PALM2AKAP2: variants seen among roughly 807,000 people sequenced by gnomAD.
The protein encoded by PALM2AKAP2 is PALM2-AKAP2 fusion protein.
PALM2AKAP2 carries 37 observed loss-of-function variants against 71.5 expected under a neutral mutation model. The ratio of observed to expected loss-of-function variants is 0.52; its 90% CI spans 0.40 to 0.68. The LOEUF (loss-of-function observed/expected upper bound fraction) is 0.68, where lower values mean the gene tolerates loss of function less well. Among genes scored for constraint, PALM2AKAP2 ranks in the 30% least tolerant of loss-of-function variants. The pLI, the probability that PALM2AKAP2 is intolerant of heterozygous loss-of-function variation, is 0.00. For synonymous variants in PALM2AKAP2, 468 were observed against 478.8 expected (o/e 0.98, Z 0.29); for missense variants, 1,224 against 1,191.8 (o/e 1.03, Z -0.40).
chr9:109,880,762 C>G, intron 3 of PALM2AKAP2, 81 bp downstream of exon 3: 1 of 1,525,216 alleles, frequency 6.6e-7, no homozygotes, highest in Non-Finnish European at 8.8e-7. Context: ...TGGCCTTTCT[C>G]AATACTGTTA....
chr9:110,140,339 G>A (rs371925649), intron 2 of PALM2AKAP2, among the ~76,000 whole-genome samples: 2 of 152,138 alleles, frequency 1.3e-5, no homozygotes, highest in African/African-American at 4.8e-5. Flanking sequence ...TTCTGGCATC[G>A]CAAGATATTC....
chr9:109,918,273 C>T (rs950028251), intron 3 of PALM2AKAP2, among the ~76,000 whole-genome samples: 1 of 152,192 alleles, frequency 6.6e-6, no homozygotes, highest in African/African-American at 2.4e-5. Flanking sequence ...ATGATCGATG[C>T]ACTTCCCAGA....
intron 1 of PALM2AKAP2, among the ~76,000 whole-genome samples, chr9:109,798,804 G>T (rs1170806634): frequency 1.3e-5 from 2 of 152,220 alleles, no homozygotes; most frequent in African/African-American, 2.4e-5. Flanking sequence ...GCCTGAAGGA[G>T]CAGGAAAGGT....
At chr9:109,759,266 T>C (rs1829012985) in intron 1 of PALM2AKAP2, among the ~76,000 whole-genome samples, 1 of 152,082 alleles carries the variant, frequency 6.6e-6, no homozygotes. Flanking sequence ...ATTCCCAGCC[T>C]CTTACACTTA....
chr9:110,096,251 G>GT (rs1409661162), intron 1 of PALM2AKAP2, among the ~76,000 whole-genome samples: 1 of 151,974 alleles, frequency 6.6e-6, no homozygotes, highest in Non-Finnish European at 1.5e-5. Flanking sequence ...TTTTTTTGCT[G>GT]TTTTTTGTTT....
intron 6 of PALM2AKAP2, among the ~76,000 whole-genome samples, chr9:109,994,323 A>G (rs1832534804): frequency 6.6e-6 from 1 of 152,182 alleles, no homozygotes; most frequent in African/African-American, 2.4e-5. Context: ...ATCCCAAAAG[A>G]CTAGACAAAC....
At chr9:109,742,808 T>C (rs188178054) in intron 1 of PALM2AKAP2, among the ~76,000 whole-genome samples, 99 of 152,292 alleles carry the variant, frequency 6.5e-4, no homozygotes, top group African/African-American at 2.3e-3. Flanking sequence ...AAATGGCATC[T>C]GGAAAGCAGC....
At chr9:109,820,792 T>A (rs942035350) in intron 1 of PALM2AKAP2, among the ~76,000 whole-genome samples, 7 of 152,324 alleles carry the variant, frequency 4.6e-5, no homozygotes, top group African/African-American at 1.4e-4. Context: ...CTGGAGTGGA[T>A]ATGACCTTTT....
intron 6 of PALM2AKAP2, among the ~76,000 whole-genome samples, chr9:109,980,140 G>T (rs1222159710): frequency 6.6e-6 from 1 of 152,080 alleles, no homozygotes; most frequent in Non-Finnish European, 1.5e-5. Context: ...CACTCTTCTT[G>T]GTTCTCAAGT....
At chr9:110,059,980 T>C (rs1260716634) in intron 1 of PALM2AKAP2, among the ~76,000 whole-genome samples, 1 of 152,190 alleles carries the variant, frequency 6.6e-6, no homozygotes, top group East Asian at 1.9e-4. Flanking sequence ...TATATCAGTC[T>C]TAAAGGTACA....
At chr9:109,753,101 A>G (rs1000835737) in intron 1 of PALM2AKAP2, among the ~76,000 whole-genome samples, 15 of 152,156 alleles carry the variant, frequency 9.9e-5, no homozygotes, top group Non-Finnish European at 1.5e-5. Flanking sequence ...AGTTTCCAAG[A>G]GAAAATACCA....
At chr9:109,777,359 T>C (rs2118780024), upstream of PALM2AKAP2, among the ~76,000 whole-genome samples, 1 of 152,338 alleles carries the variant, frequency 6.6e-6, no homozygotes, top group East Asian at 1.9e-4. Flanking sequence ...TTCACCTTCC[T>C]TTTTGACTGT....
chr9:109,645,821 A>G (rs1827143587), intron 1 of PALM2AKAP2, among the ~76,000 whole-genome samples: 1 of 152,154 alleles, frequency 6.6e-6, no homozygotes, highest in South Asian at 2.1e-4. Flanking sequence ...TATTTGGGTA[A>G]TGGGTACATT....
At chr9:110,097,488 G>T (rs1444812698) in intron 1 of PALM2AKAP2, among the ~76,000 whole-genome samples, 1 of 151,912 alleles carries the variant, frequency 6.6e-6, no homozygotes, top group East Asian at 1.9e-4. Context: ...AGACGGGGTG[G>T]TGGCCGGGCA....
intron 5 of PALM2AKAP2, among the ~76,000 whole-genome samples, chr9:109,928,244 A>G (rs1043538219): frequency 1.7e-4 from 26 of 152,334 alleles, no homozygotes; most frequent in African/African-American, 5.8e-4. Flanking sequence ...CTGGGATTAC[A>G]GGTATCAGCC....
Position 109,930,182 on chromosome 9 carries a change from T to A in PALM2AKAP2, c.395-1745T>A, listed in dbSNP as rs529188930. Among the ~76,000 whole-genome samples the A allele has an allele frequency of 2.0e-5, 3 of 152,128 alleles. No individual in the cohort carries two copies. The East Asian group carries it at 5.8e-4, about 29-fold the overall frequency. On this transcript the variant is annotated intron_variant, in intron 5 of 9. Transcript: ENST00000302798. Reference sequence around the variant, plus strand: ...TCCACCCTAAGTCCTGCTGTTCTAATCTTCCTTTCTCATTCCTTCTCCCCA... The same window carrying A: ...TCCACCCTAAGTCCTGCTGTTCTAAACTTCCTTTCTCATTCCTTCTCCCCA...
intron 6 of PALM2AKAP2, among the ~76,000 whole-genome samples, chr9:109,997,755 G>A (rs930099249): frequency 2.0e-5 from 3 of 151,930 alleles, no homozygotes; most frequent in African/African-American, 7.2e-5. Flanking sequence ...TCCTAAGGAA[G>A]AGAAAGCTCA....
At chr9:110,111,420 T>C (rs190713266) in intron 1 of PALM2AKAP2, among the ~76,000 whole-genome samples, 3 of 152,266 alleles carry the variant, frequency 2.0e-5, no homozygotes. Context: ...AATAATATTT[T>C]TCATAAGAAG....
intron 3 of PALM2AKAP2, among the ~76,000 whole-genome samples, chr9:110,167,367 G>A (rs901815971): frequency 2.0e-5 from 3 of 152,210 alleles, no homozygotes; most frequent in Admixed American, 6.5e-5. Context: ...TACATCCTAA[G>A]CAAATGCCAG....
Sources: allele counts gnomAD v4.1 joint callset (sites outside exome capture counted in the v4.1 genomes callset), GRCh38; gene constraint gnomAD v4.1.1; transcripts MANE v1.5; gene names NCBI Gene and HGNC (gene_info 2026-07-23, HGNC 2026-07-21).